The following SPTB variants were observed in gnomAD, a reference collection of about 807,000 sequenced individuals.
The protein encoded by SPTB is spectrin beta, erythrocytic.
In SPTB, 45 loss-of-function variants were observed where a neutral mutation model predicts 256.2. The ratio of observed to expected loss-of-function variants is 0.18; its 90% CI spans 0.14 to 0.23. SPTB has a LOEUF of 0.23. SPTB is among the 10% of genes least tolerant of loss of function. The pLI, the probability that SPTB is intolerant of heterozygous loss-of-function variation, is 1.00. For synonymous variants in SPTB, 1,231 were observed against 1,243.1 expected (o/e 0.99, Z 0.21); for missense variants, 2,715 against 3,040.4 (o/e 0.89, Z 2.52).
intron 1 of SPTB, among the ~76,000 whole-genome samples, chr14:64,856,313 G>A (rs572456121): frequency 1.3e-5 from 2 of 152,140 alleles, no homozygotes; most frequent in East Asian, 1.9e-4. Flanking sequence ...CCCTCACCAG[G>A]ACTCTTCACA....
chr14:64,833,958 G>A (rs180688889), intron 1 of SPTB, among the ~76,000 whole-genome samples: 7 of 152,232 alleles, frequency 4.6e-5, no homozygotes, highest in African/African-American at 1.2e-4. Context: ...CAGTAGCACC[G>A]TGAATTCATC....
In SPTB at chr14:64,772,789, G is replaced by A. The variant is rs2082297923; in HGVS notation, c.5344C>T (p.Leu1782Phe). 1 of 1,613,902 alleles carries A rather than the reference G, an allele frequency of 6.2e-7. No individual in the cohort carries two copies. The highest frequency in any genetic ancestry group is 1.7e-5 in the Admixed American group (1 of 60,016). ...ATGCGCGTGTCAATGAGCTCCAGGA[G>A]GTCTGCCCACATCTCGTTCAGCCCG... Reference protein sequence around the residue: ...KDGLNEMWADLLELIDTRMQL... With the variant: ...KDGLNEMWADFLELIDTRMQL... The change falls in exon 26 of 36, where the codon CTC (leucine) becomes TTC (phenylalanine). Residue 1782 changes from leucine to phenylalanine, a missense_variant. Coordinates refer to ENST00000644917, the MANE Select transcript of SPTB (RefSeq NM_001355436.2). The surrounding 1 kb of genome is among the most constrained non-coding windows in gnomAD (Gnocchi z 5.4).
chr14:64,803,751 G>A lies in SPTB; in HGVS notation c.330C>T (p.Ile110=), dbSNP rs569974948. ...LPKPTKGKMR[I]HCLENVDKAL... is the part of the protein sequence containing the mutation. Reference sequence around the variant, plus strand: ...CCTTGTCCACATTCTCCAGGCAGTGGATGCGCATCTTCCCCTTGGTGGGCT... The same window carrying A: ...CCTTGTCCACATTCTCCAGGCAGTGAATGCGCATCTTCCCCTTGGTGGGCT... Residue 110 remains isoleucine, a synonymous_variant, in exon 4 of 36, where the codon ATC becomes ATT. Coordinates refer to ENST00000644917, the MANE Select transcript of SPTB (RefSeq NM_001355436.2). 1.2e-6 allele frequency: 2 copies of A among 1,613,668 alleles called. No individual in the cohort carries two copies. Among genetic ancestry groups the A allele is most frequent in the South Asian group, 2.2e-5 (2 of 91,016 alleles).
At chr14:64,876,207 T>G (rs1387061006) in intron 1 of SPTB, among the ~76,000 whole-genome samples, 1 of 152,182 alleles carries the variant, frequency 6.6e-6, no homozygotes, top group African/African-American at 2.4e-5. Flanking sequence ...AGTGGCGCGA[T>G]GTCGGTTCAC....
intron 1 of SPTB, among the ~76,000 whole-genome samples, chr14:64,829,473 T>C (rs1210111903): frequency 2.6e-5 from 4 of 152,188 alleles, no homozygotes; most frequent in Admixed American, 1.3e-4. Context: ...AGACTCAATA[T>C]TGATTGGTAC....
intron 33 of SPTB, chr14:64,752,398 A>G (rs754086516): frequency 5.2e-5 from 29 of 554,748 alleles, no homozygotes; most frequent in Non-Finnish European, 7.6e-5. Flanking sequence ...ACTGACCCAT[A>G]CAAAGCTGGC....
chr14:64,858,160 C>G (rs552719768), intron 1 of SPTB, among the ~76,000 whole-genome samples: 3 of 152,296 alleles, frequency 2.0e-5, no homozygotes, highest in Non-Finnish European at 4.4e-5. Context: ...CTCTGCCACA[C>G]CACACAGCAG....
At chr14:64,769,549 G>A (rs745928483) in intron 28 of SPTB, 41 bp downstream of exon 28, 17 of 1,611,418 alleles carry the variant, frequency 1.1e-5, no homozygotes, top group Middle Eastern at 1.9e-4. Flanking sequence ...CAGTGGGGAC[G>A]GAGACGGAGG....
intron 9 of SPTB, among the ~76,000 whole-genome samples, chr14:64,799,528 C>T (rs1416592858): frequency 6.6e-6 from 1 of 152,226 alleles, no homozygotes; most frequent in Non-Finnish European, 1.5e-5. Context: ...TGTCTTTGGT[C>T]GTGAGTCGAG....
intron 32 of SPTB, among the ~76,000 whole-genome samples, chr14:64,765,894 TGTG>T (rs935892191): frequency 1.4e-5 from 2 of 145,964 alleles, no homozygotes; most frequent in African/African-American, 5.2e-5. Context: ...GGTGTGTGCA[TGTG>T]TGTGTGTGTG....
rs749781191 is a variant in SPTB at position 64,836,491 on chromosome 14, C to T, written c.-51-13346G>A. Among the ~76,000 whole-genome samples, 110 of 152,070 alleles carry T rather than the reference C, an allele frequency of 7.2e-4. 1 individual carries two copies. Among genetic ancestry groups the T allele is most frequent in the Non-Finnish European group, 2.6e-4 (18 of 67,998 alleles). ...ACTGAGTTTGTGGGTCTGCTCAATA[C>T]GCTGTCAAGGCAAAACAAAAAAAAG... On this transcript the variant is annotated intron_variant, in intron 1 of 35. Transcript: ENST00000644917.
chr14:64,831,743 G>A (rs964838094), intron 1 of SPTB, among the ~76,000 whole-genome samples: 14 of 152,178 alleles, frequency 9.2e-5, no homozygotes, highest in African/African-American at 2.2e-4. Flanking sequence ...TAACCTGTGC[G>A]TCCACCACTG....
chr14:64,833,938 T>C (rs1594826504), intron 1 of SPTB, among the ~76,000 whole-genome samples: 1 of 152,176 alleles, frequency 6.6e-6, no homozygotes, highest in Non-Finnish European at 1.5e-5. Context: ...GTTGGAAGCA[T>C]AGCATGTTGC....
chr14:64,831,084 G>A (rs900974865), intron 1 of SPTB, among the ~76,000 whole-genome samples: 1 of 152,102 alleles, frequency 6.6e-6, no homozygotes, highest in African/African-American at 2.4e-5. Flanking sequence ...GGAGGGGGCA[G>A]GCAAGATGGG....
chr14:64,766,279 T>G, intron 32 of SPTB: 1 of 602,762 alleles, frequency 1.7e-6, no homozygotes, highest in Non-Finnish European at 2.3e-6. Context: ...TGTGCATGCA[T>G]GTGTGTGTGG....
chr14:64,864,201 A>G (rs750640067), intron 1 of SPTB, among the ~76,000 whole-genome samples: 7 of 152,086 alleles, frequency 4.6e-5, no homozygotes, highest in Non-Finnish European at 8.8e-5. Context: ...TCATGCCTGT[A>G]ATCCCAACAC....
chr14:64,858,543 G>C (rs1566806682), intron 1 of SPTB, among the ~76,000 whole-genome samples: 1 of 152,096 alleles, frequency 6.6e-6, no homozygotes, highest in African/African-American at 2.4e-5. Context: ...AGAGAGGAGA[G>C]AGACAGCGGA....
intron 1 of SPTB, among the ~76,000 whole-genome samples, chr14:64,839,939 G>C (rs2083580706): frequency 1.3e-5 from 2 of 152,228 alleles, no homozygotes; most frequent in Non-Finnish European, 2.9e-5. Flanking sequence ...GATGGCATCT[G>C]AGTTGGGTGC....
chr14:64,845,029 G>C lies in SPTB; in HGVS notation c.-51-21884C>G, dbSNP rs1030560285. Among the ~76,000 whole-genome samples, 1 of 152,226 alleles carries C rather than the reference G, an allele frequency of 6.6e-6. No individual in the cohort carries two copies. Among genetic ancestry groups the C allele is most frequent in the African/African-American group, 2.4e-5 (1 of 41,466 alleles). On this transcript the variant is annotated intron_variant, in intron 1 of 35. Transcript: ENST00000644917. This position sits in a 1 kb window ranked among gnomAD's most constrained non-coding sequence, Gnocchi z 4.8. ...ACAATACTTCCTTGTTAAAGAGAGA[G>C]ATGGACATGGAAAATAAGCAAAGCA...
Sources: gnomAD v4.1 joint callset for allele counts (sites outside exome capture counted in the v4.1 genomes callset) on GRCh38, gnomAD v4.1.1 for gene constraint, Gnocchi (gnomAD v3.1) non-coding constraint, MANE v1.5 for transcripts, NCBI Gene and HGNC (gene_info 2026-07-23, HGNC 2026-07-21) for gene names.